Variants in GK5 observed in about 807,000 individuals in gnomAD.
GK5 encodes glycerol kinase 5.
A neutral mutation model predicts 77.3 loss-of-function variants in GK5; 39 were observed. The ratio of observed to expected loss-of-function variants is 0.50; its 90% confidence interval spans 0.39 to 0.66. The LOEUF is 0.66. GK5 is among the 30% of genes least tolerant of loss of function. The pLI, the probability that GK5 is intolerant of heterozygous loss-of-function variation, is 0.00. For missense variants in GK5, 487 were observed against 633.8 expected (o/e 0.77, Z 2.49); for synonymous variants, 211 against 208.0 (o/e 1.01, Z -0.13).
At chr3:142,206,214 GC>G (rs1202398223) in intron 3 of GK5, among the ~76,000 whole-genome samples, 39 of 152,272 alleles carry the variant, frequency 2.6e-4, no homozygotes, top group African/African-American at 8.9e-4. Context: ...GATTACTGCT[GC>G]TTTAATATTG....
At chr3:142,200,092 T>TACAC (rs1488628781) in intron 4 of GK5, among the ~76,000 whole-genome samples, 3 of 146,400 alleles carry the variant, frequency 2.0e-5, no homozygotes, top group Non-Finnish European at 4.6e-5. Flanking sequence ...TATTTCTATA[T>TACAC]ATATATACAC....
At chr3:142,187,576 G>A (rs979091128) in intron 6 of GK5, 128 bp downstream of exon 6, 68 of 669,448 alleles carry the variant, frequency 1.0e-4, no homozygotes, top group African/African-American at 9.2e-4. Flanking sequence ...TTGCACTCCC[G>A]CCTGGTTGAC....
In GK5 at chr3:142,225,335, G is replaced by C; in HGVS notation, c.121C>G (p.Arg41Gly). 10 of 1,554,346 alleles carry C rather than the reference G, an allele frequency of 6.4e-6. No individual in the cohort carries two copies. Among genetic ancestry groups the C allele is most frequent in the Non-Finnish European group, 7.8e-6 (9 of 1,150,880 alleles). Residue 41 changes from arginine to glycine, a missense_variant, in exon 1 of 16, where the codon CGG becomes GGG. By Grantham distance (125) the Arg-to-Gly change is moderately radical. Around this residue, in one of 4 missense-constraint regions of GK5, gnomAD observed 97 missense variants for 86.9 expected, o/e 1.12. Transcript: ENST00000392993. ...IRCHVYDRAA[R>G]VCGSSVQKVE... The stretch of plus-strand genomic sequence containing the variant: ...TTCTGCACGCTGGAGCCGCAGACCC[G>C]CGCCGCCCGGTCATAGACGTGGCAG...
intron 15 of GK5, among the ~76,000 whole-genome samples, chr3:142,168,147 G>C (rs1353400170): frequency 1.3e-5 from 2 of 152,188 alleles, no homozygotes; most frequent in Non-Finnish European, 2.9e-5. Flanking sequence ...ATTAACATAA[G>C]TATAAAAATG....
chr3:142,205,931 T>C (rs1470498636), intron 3 of GK5, among the ~76,000 whole-genome samples: 3 of 152,182 alleles, frequency 2.0e-5, no homozygotes, highest in Non-Finnish European at 2.9e-5. Flanking sequence ...CCATCCCTTA[T>C]AGCCCCTATT....
At chr3:142,180,964 G>C (rs550744252) in intron 11 of GK5, among the ~76,000 whole-genome samples, 1 of 152,290 alleles carries the variant, frequency 6.6e-6, no homozygotes, top group Non-Finnish European at 1.5e-5. Flanking sequence ...ACTGACCACT[G>C]GGTGGCACAA....
intron 12 of GK5, 43 bp from the exon 13 acceptor site, chr3:142,172,499 T>C: frequency 9.0e-7 from 1 of 1,107,560 alleles, no homozygotes; most frequent in South Asian, 1.5e-5. Context: ...TTATTCTAAA[T>C]TACATCTACG....
At chr3:142,213,495 C>A (rs2107796974) in intron 3 of GK5, 31 bp downstream of exon 3, 1 of 1,267,520 alleles carries the variant, frequency 7.9e-7, no homozygotes. Flanking sequence ...ATGAACCCAG[C>A]AGTAGGGTGC....
intron 3 of GK5, among the ~76,000 whole-genome samples, chr3:142,210,059 G>T (rs1048380139): frequency 6.6e-6 from 1 of 151,472 alleles, no homozygotes; most frequent in African/African-American, 2.4e-5. Flanking sequence ...GAATATATTG[G>T]AAAAAAAGCT....
chr3:142,170,283 A>C, intron 15 of GK5, 42 bp downstream of exon 15: 2 of 1,600,686 alleles, frequency 1.2e-6, no homozygotes, highest in East Asian at 4.5e-5. Context: ...TGTAAGGAAG[A>C]GTTTGCAAGA....
At chr3:142,179,133 T>C (rs2063660626) in intron 11 of GK5, among the ~76,000 whole-genome samples, 1 of 152,278 alleles carries the variant, frequency 6.6e-6, no homozygotes, top group Non-Finnish European at 1.5e-5. Flanking sequence ...TAAATATTGC[T>C]GGCTTTAGAG....
chr3:142,201,703 T>C (rs754469673), intron 4 of GK5, among the ~76,000 whole-genome samples: 5 of 152,194 alleles, frequency 3.3e-5, no homozygotes, highest in Admixed American at 6.5e-5. Context: ...ATAAAATTTA[T>C]GGATTGTATT....
At chr3:142,187,979 T>C (rs2063796136) in intron 5 of GK5, among the ~76,000 whole-genome samples, 200 bp from the exon 6 acceptor site, 1 of 152,128 alleles carries the variant, frequency 6.6e-6, no homozygotes, top group African/African-American at 2.4e-5. Flanking sequence ...AGAGGGAAGA[T>C]TTTCATTTTC....
At chr3:142,180,560 G>A (rs1480265942) in intron 11 of GK5, among the ~76,000 whole-genome samples, 2 of 151,996 alleles carry the variant, frequency 1.3e-5, no homozygotes, top group African/African-American at 2.4e-5. Flanking sequence ...CCTCAGCCCC[G>A]CAAAGTGCTG....
chr3:142,215,549 TACAAAAAAAAA>T, intron 2 of GK5, 39 bp downstream of exon 2: 1 of 972,760 alleles, frequency 1.0e-6, no homozygotes, highest in Non-Finnish European at 1.5e-6. Flanking sequence ...GGAAAACTAT[TACAAAAAAAAA>T]ACCATAAAGA....
chr3:142,196,814 C>T (rs1010493491), intron 5 of GK5, among the ~76,000 whole-genome samples: 2 of 152,102 alleles, frequency 1.3e-5, no homozygotes, highest in African/African-American at 2.4e-5. Context: ...CTATAAATGT[C>T]TGTTAGGTCT....
At chr3:142,189,371 T>C (rs898312094) in intron 5 of GK5, among the ~76,000 whole-genome samples, 1 of 152,234 alleles carries the variant, frequency 6.6e-6, no homozygotes, top group African/African-American at 2.4e-5. Flanking sequence ...TTATTTATAA[T>C]ACAAGTACTT....
At chr3:142,173,667 G>C (rs2063570076) in intron 12 of GK5, among the ~76,000 whole-genome samples, 1 of 151,488 alleles carries the variant, frequency 6.6e-6, no homozygotes, top group Non-Finnish European at 1.5e-5. Context: ...CTGGGCAACA[G>C]AGCAAGACTC....
chr3:142,197,564 G>T (rs2063952540), intron 5 of GK5, among the ~76,000 whole-genome samples: 1 of 151,830 alleles, frequency 6.6e-6, no homozygotes, highest in Non-Finnish European at 1.5e-5. Context: ...TTTTTATCCA[G>T]TCTAAAATCA....
Sources: allele counts gnomAD v4.1 joint callset (sites outside exome capture counted in the v4.1 genomes callset), GRCh38; gene constraint gnomAD v4.1.1; regional missense constraint gnomAD v4.1.1; transcripts MANE v1.5; gene names NCBI Gene and HGNC (gene_info 2026-07-23, HGNC 2026-07-21).